Variants in RASA1 observed in about 807,000 individuals in gnomAD.
RASA1 encodes ras GTPase-activating protein 1.
RASA1 carries 25 observed loss-of-function variants against 132.2 expected under a neutral mutation model. That is an observed-to-expected ratio of 0.19 (90% CI 0.14 to 0.26). RASA1 has a LOEUF of 0.26. Ranked by LOEUF, RASA1 falls within the 10% of genes least tolerant of loss-of-function variation. RASA1 has a pLI of 1.00. For synonymous variants in RASA1, 477 were observed against 449.9 expected, an observed-to-expected ratio of 1.06 and a Z score of -0.76; for missense variants, 964 against 1,299.2, an observed-to-expected ratio of 0.74 and a Z score of 3.97.
intron 8 of RASA1, 73 bp from the exon 9 acceptor site, chr5:87,353,079 CAAGAA>C: frequency 8.6e-7 from 1 of 1,166,020 alleles, no homozygotes; most frequent in Non-Finnish European, 1.3e-6. Context: ...TAATCCTTGG[CAAGAA>C]AGTTTACACA....
chr5:87,332,449 G>T, intron 2 of RASA1, 58 bp from the exon 3 acceptor site: 1 of 1,507,670 alleles, frequency 6.6e-7, no homozygotes, highest in South Asian at 1.2e-5. Context: ...TATAAAACTT[G>T]ATTTTTAAAA....
chr5:87,293,385 C>T (rs1283744496), intron 1 of RASA1, among the ~76,000 whole-genome samples: 1 of 151,808 alleles, frequency 6.6e-6, no homozygotes, highest in East Asian at 1.9e-4. Context: ...TTTTCTTCAC[C>T]CTGACGTGAT....
chr5:87,379,904 AT>A, intron 19 of RASA1, 54 bp downstream of exon 19: 2 of 1,546,138 alleles, frequency 1.3e-6, no homozygotes, highest in Non-Finnish European at 1.8e-6. Flanking sequence ...GTCTTCAGAA[AT>A]TTCTATTTCT....
intron 1 of RASA1, among the ~76,000 whole-genome samples, chr5:87,286,126 C>T (rs1368938916): frequency 3.3e-5 from 5 of 152,074 alleles, no homozygotes; most frequent in South Asian, 4.2e-4. Context: ...CTCAGCCTCC[C>T]GAGTAGCTGG....
At chr5:87,362,472 T>G in intron 9 of RASA1, 79 bp from the exon 10 acceptor site, 1 of 1,440,494 alleles carries the variant, frequency 6.9e-7, no homozygotes, top group Non-Finnish European at 9.6e-7. Context: ...GCTTTGGCTT[T>G]TAATTGGTAC....
intron 1 of RASA1, among the ~76,000 whole-genome samples, chr5:87,275,035 A>G (rs1233717108): frequency 6.6e-6 from 1 of 152,198 alleles, no homozygotes; most frequent in African/African-American, 2.4e-5. Context: ...AAAACAGGCA[A>G]ACATTACTGG....
chr5:87,271,314 TA>T (rs939303373), intron 1 of RASA1, among the ~76,000 whole-genome samples: 40 of 152,264 alleles, frequency 2.6e-4, no homozygotes, highest in African/African-American at 9.6e-4. Context: ...TATTAAATGC[TA>T]ATAGCATGCT....
intron 1 of RASA1, among the ~76,000 whole-genome samples, chr5:87,291,316 G>A (rs973069682): frequency 1.3e-5 from 2 of 152,084 alleles, no homozygotes; most frequent in African/African-American, 4.8e-5. Flanking sequence ...GATTGCTTGA[G>A]GCCAGGAGTT....
At chr5:87,355,506 A>G (rs971084217) in intron 9 of RASA1, among the ~76,000 whole-genome samples, 1 of 152,198 alleles carries the variant, frequency 6.6e-6, no homozygotes. Flanking sequence ...AATTCCTTTG[A>G]AAATGTTACT....
chr5:87,286,252 A>C (rs1478331396), intron 1 of RASA1, among the ~76,000 whole-genome samples: 5 of 152,000 alleles, frequency 3.3e-5, no homozygotes, highest in Non-Finnish European at 7.4e-5. Flanking sequence ...ATCCACTCGC[A>C]TTTGGCCTCC....
intron 1 of RASA1, among the ~76,000 whole-genome samples, chr5:87,295,716 T>C (rs1282725344): frequency 1.3e-5 from 2 of 152,078 alleles, no homozygotes; most frequent in Non-Finnish European, 2.9e-5. Flanking sequence ...TTTGCCATGT[T>C]GCCCAGGCCG....
chr5:87,388,998 C>G (rs1762265742), intron 23 of RASA1, among the ~76,000 whole-genome samples: 1 of 152,026 alleles, frequency 6.6e-6, no homozygotes, highest in Non-Finnish European at 1.5e-5. Flanking sequence ...TGGAATCTGG[C>G]TTTCATGTGA....
chr5:87,284,574 A>C (rs1008165426), intron 1 of RASA1, among the ~76,000 whole-genome samples: 6 of 152,248 alleles, frequency 3.9e-5, no homozygotes, highest in Non-Finnish European at 7.4e-5. Context: ...CTTAGGGGAC[A>C]CTGCAATGCT....
At chr5:87,290,500 C>T (rs1754868636) in intron 1 of RASA1, among the ~76,000 whole-genome samples, 1 of 152,116 alleles carries the variant, frequency 6.6e-6, no homozygotes, top group African/African-American at 2.4e-5. Flanking sequence ...TTATTGTCAC[C>T]CAGTGTTCAT....
chr5:87,355,432 T>G (rs1240971094), intron 9 of RASA1, among the ~76,000 whole-genome samples: 1 of 152,204 alleles, frequency 6.6e-6, no homozygotes, highest in East Asian at 1.9e-4. Flanking sequence ...ATAGCCCATC[T>G]GTTTACAGCA....
chr5:87,298,044 T>C (rs1033630777), intron 1 of RASA1, among the ~76,000 whole-genome samples: 1 of 152,116 alleles, frequency 6.6e-6, no homozygotes, highest in African/African-American at 2.4e-5. Flanking sequence ...ACTACAGCTA[T>C]TGGTTTTTCA....
At chr5:87,389,146 A>G (rs768280880) in intron 23 of RASA1, among the ~76,000 whole-genome samples, 1 of 152,184 alleles carries the variant, frequency 6.6e-6, no homozygotes, top group Non-Finnish European at 1.5e-5. Context: ...TTTTCACATG[A>G]GACTACAGAG....
intron 4 of RASA1, among the ~76,000 whole-genome samples, chr5:87,337,384 G>A (rs1428146213): frequency 6.6e-6 from 1 of 151,980 alleles, no homozygotes; most frequent in Non-Finnish European, 1.5e-5. Flanking sequence ...CACTTTCAGA[G>A]AAAGAATGCT....
chr5:87,358,906 T>TA (rs1238544389), intron 9 of RASA1, among the ~76,000 whole-genome samples: 8 of 152,090 alleles, frequency 5.3e-5, no homozygotes, highest in Admixed American at 3.3e-4. Flanking sequence ...GCCTCACTCT[T>TA]ACATCTTTCA....
Sources: allele counts gnomAD v4.1 joint callset (sites outside exome capture counted in the v4.1 genomes callset), GRCh38; gene constraint gnomAD v4.1.1; transcripts MANE v1.5; gene names NCBI Gene and HGNC (gene_info 2026-07-23, HGNC 2026-07-21).